COX7B2: variants seen among roughly 807,000 people sequenced by gnomAD.
COX7B2 encodes the protein cytochrome c oxidase subunit 7B2, mitochondrial.
For synonymous variants in COX7B2, 37 were observed against 32.1 expected (o/e 1.15, Z -0.51); for missense variants, 109 against 95.9 (o/e 1.14, Z -0.57).
At chr4:46,871,120 G>T (rs1428057294) in intron 1 of COX7B2, among the ~76,000 whole-genome samples, 2 of 152,058 alleles carry the variant, frequency 1.3e-5, no homozygotes, top group African/African-American at 4.8e-5. Context: ...AACCAAAAAA[G>T]CATGGTAATG....
chr4:46,831,380 C>T (rs1577625929), intron 2 of COX7B2, among the ~76,000 whole-genome samples: 8 of 152,282 alleles, frequency 5.3e-5, no homozygotes, highest in African/African-American at 1.4e-4. Flanking sequence ...CGAGTGCCAC[C>T]CCCGGCTCCA....
chr4:46,746,946 G>T (rs569606204), intron 2 of COX7B2, among the ~76,000 whole-genome samples: 1 of 152,288 alleles, frequency 6.6e-6, no homozygotes, highest in South Asian at 2.1e-4. Context: ...GGAATGCTCA[G>T]CAGAAGAGGC....
intron 2 of COX7B2, among the ~76,000 whole-genome samples, chr4:46,766,713 A>G (rs1716563333): frequency 6.6e-6 from 1 of 151,668 alleles, no homozygotes; most frequent in Non-Finnish European, 1.5e-5. Context: ...AAAGAAAAAA[A>G]AAAAAAAAAA....
chr4:46,791,358 C>T (rs1026708321), intron 2 of COX7B2, among the ~76,000 whole-genome samples: 7 of 152,138 alleles, frequency 4.6e-5, no homozygotes, highest in African/African-American at 1.7e-4. Flanking sequence ...ATAAACATGA[C>T]ATTTTATAAT....
At chr4:46,902,428 TC>T (rs1720123727) in intron 1 of COX7B2, among the ~76,000 whole-genome samples, 1 of 152,198 alleles carries the variant, frequency 6.6e-6, no homozygotes, top group Non-Finnish European at 1.5e-5. Context: ...GCATTTTTGT[TC>T]TACTAAACCA....
At chr4:46,876,247 T>C (rs746683184) in intron 1 of COX7B2, among the ~76,000 whole-genome samples, 1 of 152,170 alleles carries the variant, frequency 6.6e-6, no homozygotes, top group East Asian at 1.9e-4. Flanking sequence ...GGCAAATCTA[T>C]GTGCTCTGAA....
intron 2 of COX7B2, among the ~76,000 whole-genome samples, chr4:46,819,202 G>A (rs1300958944): frequency 1.3e-5 from 2 of 151,886 alleles, no homozygotes; most frequent in Non-Finnish European, 2.9e-5. Flanking sequence ...ATAAAATGAG[G>A]GTAAATTTGA....
intron 2 of COX7B2, among the ~76,000 whole-genome samples, chr4:46,810,356 C>A (rs1719226020): frequency 6.6e-6 from 1 of 151,912 alleles, no homozygotes; most frequent in African/African-American, 2.4e-5. Context: ...TCCTTTATTT[C>A]TCTCTTGTCA....
chr4:46,801,510 A>T (rs1718655939), intron 2 of COX7B2, among the ~76,000 whole-genome samples: 1 of 152,170 alleles, frequency 6.6e-6, no homozygotes, highest in Admixed American at 6.5e-5. Context: ...TCCTACTTAT[A>T]AGTGAGAACA....
intron 1 of COX7B2, among the ~76,000 whole-genome samples, chr4:46,862,023 C>G (rs560199888): frequency 6.6e-6 from 1 of 152,258 alleles, no homozygotes; most frequent in African/African-American, 2.4e-5. Flanking sequence ...TGATGGACAA[C>G]TCCCTGAAGC....
rs374981247 is a variant in COX7B2 at position 46,735,318 on chromosome 4, AC to A, written c.-49-78del. 2.5e-5 allele frequency: 28 copies of A among 1,104,348 alleles called. 1 individual carries two copies. Among genetic ancestry groups the A allele is most frequent in the Middle Eastern group, 2.0e-4 (1 of 4,964 alleles). 68.4% of individuals were successfully genotyped at this position (1,104,348 alleles called of 1,614,324 possible). A position where few individuals can be genotyped will look rare whatever the true frequency, so the allele number is the denominator to read the frequency against. Reference sequence around the variant, plus strand: ...TCCGCTTTGAATGTCTGGCTACATCACCCCTTGGAGTGGTGTTCAGGAATGT... The same window carrying A: ...TCCGCTTTGAATGTCTGGCTACATCACCCTTGGAGTGGTGTTCAGGAATGT... On this transcript the variant is annotated intron_variant, in intron 2 of 2. Transcript: ENST00000355591.
At chr4:46,851,763 C>G (rs990251653) in intron 1 of COX7B2, among the ~76,000 whole-genome samples, 1 of 152,018 alleles carries the variant, frequency 6.6e-6, no homozygotes, top group African/African-American at 2.4e-5. Context: ...TTATGTTTGT[C>G]TAATGATCTA....
At chr4:46,857,055 A>G (rs1717048038) in intron 1 of COX7B2, among the ~76,000 whole-genome samples, 1 of 152,206 alleles carries the variant, frequency 6.6e-6, no homozygotes, top group Admixed American at 6.5e-5. Context: ...ACCAGTTCTT[A>G]CATGCACATC....
At chr4:46,803,143 G>A (rs1718751702) in intron 2 of COX7B2, among the ~76,000 whole-genome samples, 1 of 152,066 alleles carries the variant, frequency 6.6e-6, no homozygotes. Flanking sequence ...AATTGCCCAG[G>A]AGTTGTATAA....
At chr4:46,826,821 G>C (rs1331051445) in intron 2 of COX7B2, among the ~76,000 whole-genome samples, 3 of 152,018 alleles carry the variant, frequency 2.0e-5, no homozygotes, top group Non-Finnish European at 4.4e-5. Context: ...AAGAACTTAT[G>C]AACACAATGA....
chr4:46,830,849 A>G (rs2109724787), intron 2 of COX7B2, among the ~76,000 whole-genome samples: 1 of 152,352 alleles, frequency 6.6e-6, no homozygotes, highest in East Asian at 1.9e-4. Flanking sequence ...GAGGCAAAGT[A>G]TGGAGAAAGT....
chr4:46,788,229 T>C (rs1717853741), intron 2 of COX7B2, among the ~76,000 whole-genome samples: 1 of 152,182 alleles, frequency 6.6e-6, no homozygotes, highest in Non-Finnish European at 1.5e-5. Context: ...TTCAGTCCCA[T>C]TATATTTAAA....
At position 46,807,490 on chromosome 4, in the gene COX7B2, A is replaced by C. The variant is rs543296808; in HGVS notation, c.-50+37470T>G. 6.6e-5 allele frequency among the ~76,000 whole-genome samples: 10 copies of C among 151,932 alleles called. No individual in the cohort carries two copies. The East Asian group carries it at 1.9e-3, about 29-fold the overall frequency. On this transcript the variant is annotated intron_variant, in intron 2 of 2. Transcript: ENST00000355591. ...ATTTTGCTTTGCTATTTTCTTTGCT[A>C]TACAGGAGTTTTTTTAGTTTGATGT...
At chr4:46,830,949 G>GAGCCCTTC (rs1560408104) in intron 2 of COX7B2, among the ~76,000 whole-genome samples, 1 of 152,228 alleles carries the variant, frequency 6.6e-6, no homozygotes, top group Non-Finnish European at 1.5e-5. Context: ...CGCACTTGAG[G>GAGCCCTTC]AGCCCTTCAG....
Sources: gnomAD v4.1 joint callset for allele counts (sites outside exome capture counted in the v4.1 genomes callset) on GRCh38, gnomAD v4.1.1 for gene constraint, MANE v1.5 for transcripts, NCBI Gene and HGNC (gene_info 2026-07-23, HGNC 2026-07-21) for gene names.